The following NRG1 variants were observed in gnomAD, a reference collection of about 807,000 sequenced individuals.
NRG1 encodes the protein pro-neuregulin-1, membrane-bound isoform.
Under a neutral mutation model 63.8 loss-of-function variants are expected in NRG1, and 18 were observed. That is an observed-to-expected ratio of 0.28 (90% confidence interval 0.19 to 0.42). The LOEUF (loss-of-function observed/expected upper bound fraction) is 0.42, where lower values mean the gene tolerates loss of function less well. Ranked by LOEUF, NRG1 falls within the 10% of genes least tolerant of loss-of-function variation. The pLI, the probability that NRG1 is intolerant of heterozygous loss-of-function variation, is 1.00. For missense variants in NRG1, 762 were observed against 814.7 expected (o/e 0.94, Z 0.79); for synonymous variants, 302 against 301.3 (o/e 1.00, Z -0.02).
chr8:31,777,717 A>G (rs1194315751), intron 1 of NRG1, among the ~76,000 whole-genome samples: 3 of 152,182 alleles, frequency 2.0e-5, no homozygotes, highest in African/African-American at 7.2e-5. Flanking sequence ...CCCATGGCAG[A>G]AGGAAAAAGG....
intron 1 of NRG1, among the ~76,000 whole-genome samples, chr8:31,700,462 A>G (rs1810520853): frequency 6.6e-6 from 1 of 152,126 alleles, no homozygotes; most frequent in African/African-American, 2.4e-5. Context: ...CTCATCCAAG[A>G]TTGTTGTTTT....
chr8:31,686,570 G>A (rs1563292040), intron 1 of NRG1, among the ~76,000 whole-genome samples: 1 of 152,028 alleles, frequency 6.6e-6, no homozygotes, highest in Non-Finnish European at 1.5e-5. Flanking sequence ...ACACTTTTAA[G>A]TTTTGCTGTC....
intron 1 of NRG1, among the ~76,000 whole-genome samples, chr8:32,032,855 T>C (rs893576741): frequency 4.6e-5 from 7 of 152,198 alleles, no homozygotes; most frequent in African/African-American, 1.4e-4. Context: ...TGTGCCCATG[T>C]CCTAAATGGT....
chr8:32,120,167 T>A (rs1010314195), intron 1 of NRG1, among the ~76,000 whole-genome samples: 5 of 152,138 alleles, frequency 3.3e-5, no homozygotes, highest in African/African-American at 1.2e-4. Context: ...GTTGTCCCAC[T>A]GTTTAAAACA....
chr8:31,708,726 T>C (rs1811423833), intron 1 of NRG1, among the ~76,000 whole-genome samples: 1 of 152,130 alleles, frequency 6.6e-6, no homozygotes. Context: ...ATTACAGGCG[T>C]GAGCCACCGC....
At chr8:31,685,647 T>A (rs1808805636) in intron 1 of NRG1, among the ~76,000 whole-genome samples, 1 of 152,214 alleles carries the variant, frequency 6.6e-6, no homozygotes, top group Non-Finnish European at 1.5e-5. Context: ...ATGTTCATTA[T>A]CAGTTACTCC....
At chr8:32,227,885 C>T (rs1230097941) in intron 1 of NRG1, among the ~76,000 whole-genome samples, 1 of 152,138 alleles carries the variant, frequency 6.6e-6, no homozygotes, top group Non-Finnish European at 1.5e-5. Flanking sequence ...CTATTTTATC[C>T]TAAAATCTGT....
intron 5 of NRG1, chr8:32,648,447 C>T: frequency 6.4e-7 from 1 of 1,551,184 alleles, no homozygotes; most frequent in Admixed American, 2.0e-5. Flanking sequence ...TTTGAGGTCC[C>T]CAAAGGACAT....
chr8:31,813,622 A>C (rs556097829), intron 1 of NRG1, among the ~76,000 whole-genome samples: 1 of 150,526 alleles, frequency 6.6e-6, no homozygotes, highest in East Asian at 2.0e-4. Flanking sequence ...CCTGGGATCA[A>C]GTGACTCCCC....
intron 1 of NRG1, among the ~76,000 whole-genome samples, chr8:31,886,825 A>C (rs770279976): frequency 4.1e-4 from 63 of 152,164 alleles, no homozygotes; most frequent in Non-Finnish European, 6.9e-4. Flanking sequence ...CACAGTGAGA[A>C]ACCTGTCACT....
At chr8:31,641,177 G>A (rs1159301676) in intron 1 of NRG1, among the ~76,000 whole-genome samples, 2 of 152,148 alleles carry the variant, frequency 1.3e-5, no homozygotes, top group Non-Finnish European at 2.9e-5. Flanking sequence ...GTTTGCTTCT[G>A]TGTCTGTGAA....
intron 1 of NRG1, among the ~76,000 whole-genome samples, chr8:32,480,460 G>A (rs983804567): frequency 6.8e-6 from 1 of 146,994 alleles, no homozygotes; most frequent in Admixed American, 6.9e-5. Flanking sequence ...GGTTTCAAAT[G>A]TTGTCACCAC....
intron 4 of NRG1, among the ~76,000 whole-genome samples, chr8:32,615,759 A>G (rs1047787662): frequency 6.6e-6 from 1 of 152,022 alleles, no homozygotes; most frequent in African/African-American, 2.4e-5. Context: ...GGACATATTC[A>G]TATGTCATTA....
At chr8:32,387,880 A>G (rs913105912) in intron 1 of NRG1, among the ~76,000 whole-genome samples, 4 of 152,222 alleles carry the variant, frequency 2.6e-5, no homozygotes, top group Non-Finnish European at 5.9e-5. Context: ...GTGCTAAAGC[A>G]GCAGCTGTTA....
intron 1 of NRG1, among the ~76,000 whole-genome samples, chr8:31,943,640 G>A (rs1237369614): frequency 1.3e-5 from 2 of 152,130 alleles, no homozygotes; most frequent in Non-Finnish European, 2.9e-5. Context: ...AAGGGGCAAT[G>A]TGATGGTGGT....
At chr8:32,058,734 A>G (rs796132841) in intron 1 of NRG1, among the ~76,000 whole-genome samples, 2 of 151,974 alleles carry the variant, frequency 1.3e-5, no homozygotes, top group African/African-American at 2.4e-5. Context: ...CCTTCTATTT[A>G]TATAACTGTA....
chr8:32,175,912 G>T (rs1008976546), intron 1 of NRG1, among the ~76,000 whole-genome samples: 1 of 152,190 alleles, frequency 6.6e-6, no homozygotes, highest in African/African-American at 2.4e-5. Context: ...ACTGCCAAAG[G>T]TAATTTATAG....
intron 1 of NRG1, among the ~76,000 whole-genome samples, chr8:31,915,950 C>G (rs1469180664): frequency 6.6e-6 from 1 of 151,974 alleles, no homozygotes; most frequent in Non-Finnish European, 1.5e-5. Context: ...ATGGTTGGTC[C>G]TTACTACCAA....
At chr8:32,146,029 T>C (rs1836833979) in intron 1 of NRG1, among the ~76,000 whole-genome samples, 1 of 152,202 alleles carries the variant, frequency 6.6e-6, no homozygotes, top group East Asian at 1.9e-4. Context: ...TAATAATTTC[T>C]TGGGAAGAGT....
Sources: allele counts gnomAD v4.1 joint callset (sites outside exome capture counted in the v4.1 genomes callset), GRCh38; gene constraint gnomAD v4.1.1; transcripts MANE v1.5; gene names NCBI Gene and HGNC (gene_info 2026-07-23, HGNC 2026-07-21).